RPS29: variants seen among roughly 807,000 people sequenced by gnomAD.
RPS29 encodes the protein small ribosomal subunit protein uS14.
For missense variants in RPS29, 60 were observed against 75.7 expected (o/e 0.79, Z 0.77); for synonymous variants, 37 against 26.9 (o/e 1.37, Z -1.16).
At chr14:49,580,889 GAA>G (rs538812182), downstream of RPS29, among the ~76,000 whole-genome samples, 2 of 110,550 alleles carry the variant, frequency 1.8e-5, no homozygotes, top group African/African-American at 3.3e-5. Flanking sequence ...CGTCTCAAAA[GAA>G]AAAAAAAAAA....
At chr14:49,577,799 G>T in exon 3 of RPS29, 1 of 1,603,434 alleles carries the variant, frequency 6.2e-7, no homozygotes, top group Non-Finnish European at 8.5e-7. Flanking sequence ...GGCCATGATG[G>T]AGGAGATGGG....
intron 2 of RPS29, chr14:49,585,583 T>TAA (rs71441227): frequency 0.012 from 3,325 of 284,716 alleles, 4 homozygotes; most frequent in Middle Eastern, 0.014. Context: ...ACCCTATCTC[T>TAA]AAAAAAAAAA....
upstream of RPS29, chr14:49,586,834 A>G (rs1881591691): frequency 1.2e-5 from 2 of 173,814 alleles, no homozygotes; most frequent in South Asian, 2.3e-4. Context: ...GCCTGTGAAT[A>G]GCCACTGCAC....
chr14:49,583,515 A>T (rs1881406540), downstream of RPS29: 1 of 826,982 alleles, frequency 1.2e-6, no homozygotes, highest in African/African-American at 1.8e-5. Context: ...AAAAAAAAAA[A>T]GAAAAAGATT....
chr14:49,595,999 CGGAA>C (rs1319431241), intron 1 of RPS29, among the ~76,000 whole-genome samples: 1 of 111,468 alleles, frequency 9.0e-6, no homozygotes, highest in African/African-American at 3.5e-5. Context: ...GGCAACAGAG[CGGAA>C]GGAAGGAAGA....
chr14:49,579,431 G>A (rs138883495), downstream of RPS29, among the ~76,000 whole-genome samples: 27 of 152,322 alleles, frequency 1.8e-4, no homozygotes, highest in Non-Finnish European at 2.9e-4. Context: ...TGCCAGAGTG[G>A]TGGCTCACAC....
exon 3 of RPS29, chr14:49,573,186 A>C (rs1255157846): frequency 6.6e-6 from 1 of 151,960 alleles, no homozygotes; most frequent in Non-Finnish European, 1.5e-5. Context: ...ATAAAAAAAT[A>C]GGCTGGGCGT....
exon 1 of RPS29, chr14:49,598,641 C>T (rs2281837): frequency 1.4e-6 from 1 of 700,692 alleles, no homozygotes; most frequent in Admixed American, 2.0e-5. Flanking sequence ...GACGTGCGCC[C>T]GCAACGCGTA....
intron 1 of RPS29, among the ~76,000 whole-genome samples, chr14:49,595,731 G>A (rs1881806461): frequency 6.6e-6 from 1 of 152,178 alleles, no homozygotes; most frequent in Non-Finnish European, 1.5e-5. Flanking sequence ...ATCCATTGTC[G>A]GCAGGGCGCG....
chr14:49,585,677 AAC>A, intron 2 of RPS29: 1 of 457,670 alleles, frequency 2.2e-6, no homozygotes, highest in African/African-American at 2.0e-5. Flanking sequence ...AATTTCACCA[AAC>A]ACAATACACG....
At chr14:49,595,279 C>T (rs1282962556) in intron 1 of RPS29, among the ~76,000 whole-genome samples, 1 of 151,968 alleles carries the variant, frequency 6.6e-6, no homozygotes, top group Non-Finnish European at 1.5e-5. Flanking sequence ...TAGATTGTGA[C>T]CTCGTTCTTT....
At chr14:49,584,647 C>A (rs1881453936) in intron 2 of RPS29, among the ~76,000 whole-genome samples, 1 of 151,170 alleles carries the variant, frequency 6.6e-6, no homozygotes, top group Non-Finnish European at 1.5e-5. Context: ...GCCTGTAATC[C>A]CAGGTACTAG....
intron 1 of RPS29, among the ~76,000 whole-genome samples, chr14:49,593,426 G>A (rs1326125088): frequency 4.6e-5 from 7 of 152,056 alleles, no homozygotes; most frequent in African/African-American, 1.2e-4. Flanking sequence ...CATTTTGGCC[G>A]GGCGCAGTGG....
intron 2 of RPS29, among the ~76,000 whole-genome samples, chr14:49,584,965 T>G (rs1881473488): frequency 6.6e-6 from 1 of 151,882 alleles, no homozygotes; most frequent in Non-Finnish European, 1.5e-5. Flanking sequence ...CTAGCTTGAC[T>G]AAGATGATCA....
downstream of RPS29, among the ~76,000 whole-genome samples, chr14:49,578,681 C>T (rs1162095604): frequency 1.3e-5 from 2 of 151,310 alleles, no homozygotes; most frequent in African/African-American, 4.9e-5. Context: ...GTGCCTCAGC[C>T]CCCCAAGTAG....
intron 1 of RPS29, among the ~76,000 whole-genome samples, chr14:49,593,804 C>G (rs1881766199): frequency 6.6e-6 from 1 of 151,476 alleles, no homozygotes; most frequent in Non-Finnish European, 1.5e-5. Flanking sequence ...AGAGGCTGTC[C>G]TGGGGCAATC....
chr14:49,598,458 GC>G, exon 1 of RPS29: 1 of 702,270 alleles, frequency 1.4e-6, no homozygotes, highest in Non-Finnish European at 2.6e-6. Context: ...GCCATATAAA[GC>G]CCCCCTTCGA....
chr14:49,571,245 C>T (rs913639502), exon 3 of RPS29: 1 of 152,146 alleles, frequency 6.6e-6, no homozygotes, highest in African/African-American at 2.4e-5. Context: ...ATACACTTTG[C>T]AAAGAATGAT....
At chr14:49,593,377 T>C (rs1881755624) in intron 1 of RPS29, among the ~76,000 whole-genome samples, 1 of 152,122 alleles carries the variant, frequency 6.6e-6, no homozygotes, top group Non-Finnish European at 1.5e-5. Context: ...ATAAAATTCC[T>C]CTTACAGTCA....
Sources: gnomAD v4.1 joint callset for allele counts (sites outside exome capture counted in the v4.1 genomes callset) on GRCh38, gnomAD v4.1.1 for gene constraint, MANE v1.5 for transcripts, NCBI Gene and HGNC (gene_info 2026-07-23, HGNC 2026-07-21) for gene names.